PHF14: variants seen among roughly 807,000 people sequenced by gnomAD.
PHF14 encodes PHD finger protein 14.
In PHF14, 55 loss-of-function variants were observed where a neutral mutation model predicts 117.9. The ratio of observed to expected loss-of-function variants is 0.47; its 90% CI spans 0.38 to 0.58. PHF14 has a LOEUF of 0.58. Ranked by LOEUF, PHF14 falls within the 20% of genes least tolerant of loss-of-function variation. PHF14 has a pLI of 0.00. For missense variants in PHF14, 978 were observed against 1,122.2 expected (o/e 0.87, Z 1.84); for synonymous variants, 409 against 368.6 (o/e 1.11, Z -1.26).
chr7:11,086,421 AC>A (rs1786411702), intron 16 of PHF14, among the ~76,000 whole-genome samples: 1 of 151,962 alleles, frequency 6.6e-6, no homozygotes, highest in Non-Finnish European at 1.5e-5. Flanking sequence ...CTTTTATTAT[AC>A]TTTATGTTAT....
intron 10 of PHF14, among the ~76,000 whole-genome samples, chr7:11,037,336 G>GT (rs1320481576): frequency 6.6e-6 from 1 of 152,092 alleles, no homozygotes; most frequent in African/African-American, 2.4e-5. Context: ...ACTTTATAGT[G>GT]TAGGTTATAA....
chr7:11,075,894 G>A (rs1445259929), intron 16 of PHF14, among the ~76,000 whole-genome samples: 1 of 152,192 alleles, frequency 6.6e-6, no homozygotes, highest in African/African-American at 2.4e-5. Flanking sequence ...CACTTTGGGA[G>A]GCTGAGGCGG....
chr7:11,076,379 C>G (rs1293252423), intron 16 of PHF14, among the ~76,000 whole-genome samples: 2 of 152,056 alleles, frequency 1.3e-5, no homozygotes, highest in Middle Eastern at 3.2e-3. Flanking sequence ...GGCTTCAGTG[C>G]TATAACCTCT....
At chr7:11,022,007 A>G (rs1019882583) in intron 5 of PHF14, among the ~76,000 whole-genome samples, 10 of 152,104 alleles carry the variant, frequency 6.6e-5, no homozygotes, top group South Asian at 2.1e-4. Context: ...TTCTTACAAA[A>G]GTGCTAAGAT....
At position 11,057,205 on chromosome 7, in the gene PHF14, T is replaced by G. The variant is rs544994667; in HGVS notation, c.2482-4586T>G. ...GGTACTGACTCTTTTAGTTTTAAAT[T>G]TAGTTCATTTGCCAAATGAATCATG... On this transcript the variant is annotated intron_variant, in intron 14 of 17. Coordinates refer to ENST00000634607, the MANE Select transcript of PHF14 (RefSeq NM_001007157.2). Among the ~76,000 whole-genome samples, 4 of 152,232 alleles carry G rather than the reference T, an allele frequency of 2.6e-5. No individual in the cohort carries two copies. The East Asian group carries it at 7.7e-4, about 29-fold the overall frequency.
At chr7:11,128,737 G>T (rs1014621490) in intron 17 of PHF14, among the ~76,000 whole-genome samples, 26 of 143,096 alleles carry the variant, frequency 1.8e-4, no homozygotes, top group Non-Finnish European at 2.7e-4. Context: ...TTCTCCTTCC[G>T]TCTCTCCCAT....
At chr7:11,083,101 G>T (rs576570262) in intron 16 of PHF14, among the ~76,000 whole-genome samples, 100 of 152,274 alleles carry the variant, frequency 6.6e-4, no homozygotes, top group Middle Eastern at 3.4e-3. Context: ...AGAGAATCGG[G>T]TCTAGCTTAG....
At chr7:10,977,175 C>T (rs1026552581) in intron 2 of PHF14, among the ~76,000 whole-genome samples, 2 of 151,888 alleles carry the variant, frequency 1.3e-5, no homozygotes, top group African/African-American at 4.8e-5. Context: ...CACTGGTTTC[C>T]AAACATGTTG....
chr7:11,078,193 T>C (rs1407540566), intron 16 of PHF14, among the ~76,000 whole-genome samples: 1 of 152,214 alleles, frequency 6.6e-6, no homozygotes, highest in South Asian at 2.1e-4. Flanking sequence ...TGTCATTAGC[T>C]TAACCCTTAT....
intron 16 of PHF14, among the ~76,000 whole-genome samples, chr7:11,074,453 G>A (rs369242285): frequency 7.2e-5 from 11 of 152,016 alleles, no homozygotes; most frequent in Non-Finnish European, 1.2e-4. Context: ...CTCGTGATCC[G>A]CCTGCTTCAG....
At chr7:11,025,824 T>C (rs1254528918) in intron 6 of PHF14, among the ~76,000 whole-genome samples, 2 of 146,366 alleles carry the variant, frequency 1.4e-5, no homozygotes, top group Non-Finnish European at 3.0e-5. Flanking sequence ...AAGAAAGAAA[T>C]TGCCAGGCTG....
intron 11 of PHF14, 91 bp downstream of exon 11, chr7:11,038,946 A>C (rs1784410087): frequency 1.9e-6 from 1 of 533,108 alleles, no homozygotes; most frequent in Non-Finnish European, 3.3e-6. Flanking sequence ...TCATTTGACT[A>C]ACCGAAGAAT....
intron 14 of PHF14, 87 bp downstream of exon 14, chr7:11,051,867 C>A: frequency 2.8e-6 from 3 of 1,084,792 alleles, no homozygotes; most frequent in Non-Finnish European, 2.7e-6. Flanking sequence ...CAAACATATA[C>A]TCAGAAGTCA....
At chr7:11,073,640 C>T (rs769876958) in intron 16 of PHF14, among the ~76,000 whole-genome samples, 14 of 152,198 alleles carry the variant, frequency 9.2e-5, no homozygotes, top group Non-Finnish European at 1.5e-4. Context: ...TCCCACAGCT[C>T]CACCAGGTAG....
chr7:11,087,816 GAA>G (rs1379558336), intron 16 of PHF14, among the ~76,000 whole-genome samples: 1 of 152,040 alleles, frequency 6.6e-6, no homozygotes, highest in African/African-American at 2.4e-5. Flanking sequence ...TAAACATTTT[GAA>G]ATATGCAATA....
At chr7:11,080,918 C>T (rs1786075457) in intron 16 of PHF14, among the ~76,000 whole-genome samples, 4 of 152,154 alleles carry the variant, frequency 2.6e-5, no homozygotes, top group Admixed American at 2.0e-4. Context: ...ATGTCTAAGA[C>T]ACTGTTGTCA....
At chr7:11,071,667 G>C (rs1785616382) in intron 16 of PHF14, among the ~76,000 whole-genome samples, 3 of 152,064 alleles carry the variant, frequency 2.0e-5, no homozygotes, top group African/African-American at 7.2e-5. Flanking sequence ...CCTGTTTATA[G>C]TCATTCATAG....
At chr7:10,998,214 T>C (rs1782732732) in intron 4 of PHF14, among the ~76,000 whole-genome samples, 1 of 152,098 alleles carries the variant, frequency 6.6e-6, no homozygotes, top group Non-Finnish European at 1.5e-5. Context: ...AAAGGATATA[T>C]GGGTCCAGAT....
chr7:11,038,307 T>A (rs902473919), intron 10 of PHF14, among the ~76,000 whole-genome samples: 1 of 151,762 alleles, frequency 6.6e-6, no homozygotes, highest in Non-Finnish European at 1.5e-5. Flanking sequence ...GGAGGGTGCC[T>A]GTAATCCCAG....
Sources: allele counts gnomAD v4.1 joint callset (sites outside exome capture counted in the v4.1 genomes callset), GRCh38; gene constraint gnomAD v4.1.1; transcripts MANE v1.5; gene names NCBI Gene and HGNC (gene_info 2026-07-23, HGNC 2026-07-21).